The following SLC24A3 variants were observed in gnomAD, a reference collection of about 807,000 sequenced individuals.
SLC24A3 encodes sodium/potassium/calcium exchanger 3.
In SLC24A3, 28 loss-of-function variants were observed where a neutral mutation model predicts 75.8. That is an observed-to-expected ratio of 0.37 (90% CI 0.27 to 0.51). The LOEUF is 0.51. Ranked by LOEUF, SLC24A3 falls within the 20% of genes least tolerant of loss-of-function variation. The pLI, the probability that SLC24A3 is intolerant of heterozygous loss-of-function variation, is 0.94. For missense variants in SLC24A3, 663 were observed against 847.8 expected (o/e 0.78, Z 2.71); for synonymous variants, 372 against 334.1 (o/e 1.11, Z -1.24).
rs6112468 is a variant in SLC24A3, at chr20:19,577,071, T to C, written c.349-2929T>C. On this transcript the variant is annotated intron_variant, in intron 3 of 16. Coordinates refer to ENST00000328041, the MANE Select transcript of SLC24A3 (RefSeq NM_020689.4). Reference sequence around the variant, plus strand: ...TAATTGACATTTTCTTTTTATTTTTTTGAGACAGAGTCTCACTCTGTCGCC... The same window carrying C: ...TAATTGACATTTTCTTTTTATTTTTCTGAGACAGAGTCTCACTCTGTCGCC... Among the ~76,000 whole-genome samples, 936 of 152,110 alleles carry C rather than the reference T, an allele frequency of 6.2e-3. 7 individuals carry two copies. Among genetic ancestry groups the C allele is most frequent in the Middle Eastern group, 0.027 (8 of 294 alleles).
At chr20:19,707,189 T>C (rs2032940621) in intron 15 of SLC24A3, among the ~76,000 whole-genome samples, 1 of 151,976 alleles carries the variant, frequency 6.6e-6, no homozygotes, top group African/African-American at 2.4e-5. Context: ...GGCCAAAGAG[T>C]ATCACACAGC....
chr20:19,589,202 G>C (rs1041645500), intron 6 of SLC24A3, among the ~76,000 whole-genome samples: 5 of 152,258 alleles, frequency 3.3e-5, no homozygotes, highest in Non-Finnish European at 5.9e-5. Flanking sequence ...GCAAGGAAGA[G>C]AAAGCAGTGG....
intron 6 of SLC24A3, among the ~76,000 whole-genome samples, chr20:19,629,130 AACAC>A (rs147145773): frequency 6.6e-6 from 1 of 151,054 alleles, no homozygotes; most frequent in African/African-American, 2.4e-5. Flanking sequence ...TGAGCTATAA[AACAC>A]ACACACACAC....
At chr20:19,638,506 A>G (rs541088344) in intron 6 of SLC24A3, among the ~76,000 whole-genome samples, 1 of 152,324 alleles carries the variant, frequency 6.6e-6, no homozygotes, top group East Asian at 1.9e-4. Context: ...CAAATACCCA[A>G]GAAAGGAGGA....
At chr20:19,450,061 A>G (rs568211586) in intron 2 of SLC24A3, among the ~76,000 whole-genome samples, 1 of 152,296 alleles carries the variant, frequency 6.6e-6, no homozygotes, top group South Asian at 2.1e-4. Context: ...TCACTTTGGA[A>G]TGGGTCAACA....
intron 2 of SLC24A3, among the ~76,000 whole-genome samples, chr20:19,497,478 G>A (rs1988309616): frequency 6.6e-6 from 1 of 152,208 alleles, no homozygotes; most frequent in African/African-American, 2.4e-5. Context: ...CCCATTTTGG[G>A]CTCTAATGTA....
At chr20:19,523,608 TATA>T (rs2030143503) in intron 3 of SLC24A3, among the ~76,000 whole-genome samples, 1 of 152,212 alleles carries the variant, frequency 6.6e-6, no homozygotes, top group Admixed American at 6.5e-5. Context: ...CTGAGCTGGA[TATA>T]AAGCATGACG....
chr20:19,317,767 C>T (rs1020353317), intron 2 of SLC24A3, among the ~76,000 whole-genome samples: 1 of 152,296 alleles, frequency 6.6e-6, no homozygotes, highest in East Asian at 1.9e-4. Flanking sequence ...GATAAGCATG[C>T]CTTGTGTTTA....
In SLC24A3 at chr20:19,435,906, A is replaced by G. The variant is rs541597796; in HGVS notation, c.272-79582A>G. On this transcript the variant is annotated intron_variant, in intron 2 of 16. Transcript: ENST00000328041. ...GAATGAATGATATAATGATGCAGAC[A>G]TTCATTTTCTTGTCTCTTGGGTCTG... Among the ~76,000 whole-genome samples, 65 of 152,314 alleles carry G rather than the reference A, an allele frequency of 4.3e-4. 1 individual carries two copies. The highest frequency in any genetic ancestry group is 1.4e-3 in the African/African-American group (57 of 41,566).
At chr20:19,236,808 G>T (rs946648198) in intron 1 of SLC24A3, among the ~76,000 whole-genome samples, 3 of 152,010 alleles carry the variant, frequency 2.0e-5, no homozygotes, top group Non-Finnish European at 4.4e-5. Context: ...GAGCACCAAG[G>T]GCATATTGAA....
chr20:19,523,102 C>T (rs2030134708), intron 3 of SLC24A3, among the ~76,000 whole-genome samples: 1 of 152,114 alleles, frequency 6.6e-6, no homozygotes, highest in Non-Finnish European at 1.5e-5. Flanking sequence ...TTGCAAGGTA[C>T]AAAATCAACA....
At chr20:19,227,479 T>G (rs1981901340) in intron 1 of SLC24A3, among the ~76,000 whole-genome samples, 1 of 152,214 alleles carries the variant, frequency 6.6e-6, no homozygotes, top group South Asian at 2.1e-4. Flanking sequence ...CGCCTATTCT[T>G]AGATTCAGGC....
chr20:19,578,626 G>A (rs527477539), intron 3 of SLC24A3, among the ~76,000 whole-genome samples: 90 of 151,980 alleles, frequency 5.9e-4, no homozygotes, highest in Non-Finnish European at 1.2e-3. Flanking sequence ...AGGAGGAGGG[G>A]ATGTACGACT....
chr20:19,498,450 C>T lies in SLC24A3; in HGVS notation c.272-17038C>T, dbSNP rs577756328. ...TGGCTGTGCCCCTCCCCCACCCCCA[C>T]ACCTTGTCTCTACTTCCCTGTCCAC... On this transcript the variant is annotated intron_variant, in intron 2 of 16. Transcript: ENST00000328041. Among the ~76,000 whole-genome samples the T allele has an allele frequency of 2.8e-4, 43 of 151,028 alleles. No homozygotes were observed. The South Asian group carries it at 9.0e-3, about 32-fold the overall frequency.
intron 2 of SLC24A3, among the ~76,000 whole-genome samples, chr20:19,342,398 C>T (rs961259732): frequency 3.9e-5 from 6 of 152,204 alleles, no homozygotes; most frequent in African/African-American, 9.7e-5. Flanking sequence ...AAATCAGGTC[C>T]TAGGCATTCA....
At chr20:19,666,035 C>T (rs1286104137) in intron 8 of SLC24A3, 146 bp downstream of exon 8, 3 of 845,276 alleles carry the variant, frequency 3.5e-6, no homozygotes, top group Non-Finnish European at 5.5e-6. Context: ...CCTCTGCACA[C>T]CTCAGGGGAG....
At chr20:19,468,091 G>T (rs1158146587) in intron 2 of SLC24A3, among the ~76,000 whole-genome samples, 1 of 152,096 alleles carries the variant, frequency 6.6e-6, no homozygotes, top group Non-Finnish European at 1.5e-5. Flanking sequence ...TTAGAGGGAA[G>T]TTTTAGAGTG....
Position 19,234,410 on chromosome 20 carries a change from G to A in SLC24A3, c.142+21426G>A, listed in dbSNP as rs531305217. ...GGTGCTGTGATTTTGCCCTCTGCAC[G>A]TGGTCACACACTCAAGCATATGGTT... On this transcript the variant is annotated intron_variant, in intron 1 of 16. Transcript: ENST00000328041. Among the ~76,000 whole-genome samples, 36 of 152,348 alleles carry A rather than the reference G, an allele frequency of 2.4e-4. 1 individual carries two copies. The Middle Eastern group carries it at 0.01, about 43-fold the overall frequency.
chr20:19,390,935 G>A (rs994291424), intron 2 of SLC24A3, among the ~76,000 whole-genome samples: 3 of 152,194 alleles, frequency 2.0e-5, no homozygotes, highest in African/African-American at 2.4e-5. Context: ...TGGAAGTGTA[G>A]CAGGTCTGAG....
Sources: allele counts gnomAD v4.1 joint callset (sites outside exome capture counted in the v4.1 genomes callset), GRCh38; gene constraint gnomAD v4.1.1; transcripts MANE v1.5; gene names NCBI Gene and HGNC (gene_info 2026-07-23, HGNC 2026-07-21).